Variants in NKAIN3 observed in about 807,000 individuals in gnomAD.
NKAIN3 encodes sodium/potassium transporting ATPase interacting 3, also known as sodium/potassium-transporting ATPase subunit beta-1-interacting protein 3.
Under a neutral mutation model 30.2 loss-of-function variants are expected in NKAIN3, and 25 were observed. The ratio of observed to expected loss-of-function variants is 0.83; its 90% CI spans 0.60 to 1.16. The LOEUF (loss-of-function observed/expected upper bound fraction) is 1.16. NKAIN3 is among the 50% of genes most tolerant of loss of function. The probability of loss-of-function intolerance (pLI) is 0.00; values close to 1 mark genes in which losing one functional copy is unlikely to be tolerated. For missense variants in NKAIN3, 225 were observed against 254.1 expected (o/e 0.89, Z 0.78); for synonymous variants, 91 against 89.6 (o/e 1.02, Z -0.09).
At chr8:62,527,691 A>G (rs1336467185) in intron 1 of NKAIN3, among the ~76,000 whole-genome samples, 2 of 152,194 alleles carry the variant, frequency 1.3e-5, no homozygotes, top group Middle Eastern at 6.8e-3. Flanking sequence ...ATGTATTATT[A>G]TATTTATCTC....
intron 1 of NKAIN3, among the ~76,000 whole-genome samples, chr8:62,545,343 G>A (rs1206576318): frequency 6.6e-6 from 1 of 152,094 alleles, no homozygotes; most frequent in African/African-American, 2.4e-5. Flanking sequence ...CCAACACTTT[G>A]GGAGGCTTGA....
rs1811987312 is a variant in NKAIN3 at position 62,249,000 on chromosome 8, C to G, written c.-74C>G. The G allele has an allele frequency of 7.2e-7, 1 of 1,390,750 alleles. No individual in the cohort carries two copies. The highest frequency in any genetic ancestry group is 9.8e-7 in the Non-Finnish European group (1 of 1,020,078). 86.2% of individuals were successfully genotyped at this position (1,390,750 alleles called of 1,614,324 possible). On this transcript the variant is annotated 5_prime_UTR_variant, in exon 1 of 7. Transcript: ENST00000623646. ...TGGGCCGGGCCGGGCGGGGACTACTCCGGAGTCAGGAGGCAGCAGCGGCGG... is the reference window on the plus strand; with the variant it reads ...TGGGCCGGGCCGGGCGGGGACTACTGCGGAGTCAGGAGGCAGCAGCGGCGG...
At chr8:62,442,818 C>T (rs1329489564) in intron 1 of NKAIN3, among the ~76,000 whole-genome samples, 1 of 151,872 alleles carries the variant, frequency 6.6e-6, no homozygotes, top group East Asian at 1.9e-4. Flanking sequence ...TTCCCCCATA[C>T]CATTACCATT....
At position 62,776,974 on chromosome 8, in the gene NKAIN3, A is replaced by G. The variant is rs990109084; in HGVS notation, c.471+29845A>G. Among the ~76,000 whole-genome samples, 18 of 152,038 alleles carry G rather than the reference A, an allele frequency of 1.2e-4. 1 individual carries two copies. The highest frequency in any genetic ancestry group is 5.9e-5 in the Non-Finnish European group (4 of 67,992). ...TTTAAAGAATATTTTCACTGGATAT[A>G]CTCTTCTATGGTGAAAGCTTTTTCC... On this transcript the variant is annotated intron_variant, in intron 4 of 6. Transcript: ENST00000623646.
intron 1 of NKAIN3, among the ~76,000 whole-genome samples, chr8:62,297,785 A>G (rs1161319718): frequency 2.6e-5 from 4 of 152,230 alleles, no homozygotes; most frequent in Non-Finnish European, 5.9e-5. Context: ...GGGATCTAGA[A>G]CTAGAAATAC....
At chr8:62,266,206 T>C (rs932492685) in intron 1 of NKAIN3, among the ~76,000 whole-genome samples, 7 of 152,172 alleles carry the variant, frequency 4.6e-5, no homozygotes, top group African/African-American at 1.7e-4. Context: ...CAGAGGATTT[T>C]GAGTGAAATA....
At chr8:62,645,298 C>T (rs1812428642) in intron 3 of NKAIN3, among the ~76,000 whole-genome samples, 1 of 152,092 alleles carries the variant, frequency 6.6e-6, no homozygotes, top group African/African-American at 2.4e-5. Flanking sequence ...CAAAACCTTC[C>T]TTTTACCCCA....
rs535272000 is a variant in NKAIN3 at position 62,292,438 on chromosome 8, C to T, written c.54+43311C>T. On this transcript the variant is annotated intron_variant, in intron 1 of 6. Coordinates refer to ENST00000623646, the MANE Select transcript of NKAIN3 (RefSeq NM_001304533.3). ...TCTTGTAAGGCAGGCCTGATGGTGA[C>T]AAAATCTCTCAGCTTTTGTTTGTCT... Among the ~76,000 whole-genome samples the T allele has an allele frequency of 1.9e-4, 29 of 152,248 alleles. No individual in the cohort carries two copies. The South Asian group carries it at 6.0e-3, about 32-fold the overall frequency.
At chr8:62,611,419 A>G (rs546820490) in intron 3 of NKAIN3, among the ~76,000 whole-genome samples, 1 of 152,170 alleles carries the variant, frequency 6.6e-6, no homozygotes, top group Admixed American at 6.5e-5. Flanking sequence ...TATTGTTTGT[A>G]CTCATTAACC....
rs2130926255 is a variant in NKAIN3, at chr8:62,983,035, T to C, written c.*17628T>C. 1 of 152,310 alleles carries C rather than the reference T, an allele frequency of 6.6e-6. No individual in the cohort carries two copies. Among genetic ancestry groups the C allele is most frequent in the East Asian group, 1.9e-4 (1 of 5,182 alleles). 9.4% of individuals were successfully genotyped at this position (152,310 alleles called of 1,614,324 possible). A position where few individuals can be genotyped will look rare whatever the true frequency, so the allele number is the denominator to read the frequency against. Reference sequence around the variant, plus strand: ...CAATACCCACAAGATACTACTGACTTGGAAGTTTCACTGCAGGTAGCTACC... The same window carrying C: ...CAATACCCACAAGATACTACTGACTCGGAAGTTTCACTGCAGGTAGCTACC... On this transcript the variant is annotated 3_prime_UTR_variant, in exon 7 of 7. Coordinates refer to ENST00000623646, the MANE Select transcript of NKAIN3 (RefSeq NM_001304533.3).
intron 1 of NKAIN3, among the ~76,000 whole-genome samples, chr8:62,371,938 C>A (rs1027617691): frequency 5.9e-5 from 9 of 151,894 alleles, no homozygotes; most frequent in African/African-American, 2.2e-4. Flanking sequence ...TCTCCATTTA[C>A]CTTCTTTGCC....
At chr8:62,810,932 G>T (rs935118929) in intron 4 of NKAIN3, among the ~76,000 whole-genome samples, 1 of 152,094 alleles carries the variant, frequency 6.6e-6, no homozygotes, top group East Asian at 1.9e-4. Flanking sequence ...ATATCTTGCC[G>T]AACTATAGTA....
intron 1 of NKAIN3, among the ~76,000 whole-genome samples, chr8:62,501,245 C>T (rs912898074): frequency 9.9e-5 from 15 of 152,112 alleles, no homozygotes; most frequent in African/African-American, 3.6e-4. Flanking sequence ...AAATCACACC[C>T]TCACTATCCA....
rs372641817 is a variant in NKAIN3, at chr8:62,772,951, G to T, written c.471+25822G>T. Among the ~76,000 whole-genome samples, 98 of 152,130 alleles carry T rather than the reference G, an allele frequency of 6.4e-4. 2 individuals carry two copies. The South Asian group carries it at 0.019, about 30-fold the overall frequency. On this transcript the variant is annotated intron_variant, in intron 4 of 6. Coordinates refer to ENST00000623646, the MANE Select transcript of NKAIN3 (RefSeq NM_001304533.3). The stretch of plus-strand genomic sequence containing the variant: ...TGGGATTACAGGTGTGAGCAACCAC[G>T]CCCGGCTCTTTTGCCCTTTTTTTAT...
chr8:62,996,894 G>T (rs1162216282), intron 5 of NKAIN3, among the ~76,000 whole-genome samples: 2 of 152,208 alleles, frequency 1.3e-5, no homozygotes, highest in Non-Finnish European at 2.9e-5. Flanking sequence ...TAGCTCTGCA[G>T]GGTATGGCCT....
chr8:62,759,640 G>A (rs1816580707), intron 4 of NKAIN3, among the ~76,000 whole-genome samples: 1 of 152,170 alleles, frequency 6.6e-6, no homozygotes, highest in Non-Finnish European at 1.5e-5. Flanking sequence ...TTGAGCCTAG[G>A]TGACAAGTGA....
chr8:62,923,188 C>A (rs948077588), intron 5 of NKAIN3, among the ~76,000 whole-genome samples: 11 of 152,094 alleles, frequency 7.2e-5, no homozygotes, highest in African/African-American at 2.2e-4. Context: ...GTCCCAGCTA[C>A]TCGGGAGGCT....
chr8:62,865,672 T>C (rs1042909461), intron 4 of NKAIN3, among the ~76,000 whole-genome samples: 2 of 152,212 alleles, frequency 1.3e-5, no homozygotes, highest in African/African-American at 4.8e-5. Flanking sequence ...AAATTTTAGC[T>C]GAGTACTATA....
At chr8:62,870,276 A>AGATATC (rs1820579934) in intron 4 of NKAIN3, among the ~76,000 whole-genome samples, 4 of 102,986 alleles carry the variant, frequency 3.9e-5, no homozygotes, top group Non-Finnish European at 5.9e-5. Flanking sequence ...ATATAGATAT[A>AGATATC]TATAAATATC....
Sources: allele counts gnomAD v4.1 joint callset (sites outside exome capture counted in the v4.1 genomes callset), GRCh38; gene constraint gnomAD v4.1.1; transcripts MANE v1.5; gene names NCBI Gene and HGNC (gene_info 2026-07-23, HGNC 2026-07-21).